C19orf47: variants seen among roughly 807,000 people sequenced by gnomAD.
C19orf47 encodes the protein chromosome 19 open reading frame 47, also known as uncharacterized protein C19orf47.
C19orf47 carries 18 observed loss-of-function variants against 32.3 expected under a neutral mutation model. The observed-to-expected ratio is 0.56, with a 90% confidence interval of 0.39 to 0.83. The LOEUF is 0.83. Among genes scored for constraint, C19orf47 ranks in the 40% least tolerant of loss-of-function variants. The pLI is 0.00. For synonymous variants in C19orf47, 202 were observed against 211.1 expected (o/e 0.96, Z 0.37); for missense variants, 484 against 531.6 (o/e 0.91, Z 0.88).
At chr19:40,339,992 A>C (rs1159088360) in intron 2 of C19orf47, among the ~76,000 whole-genome samples, 2 of 151,794 alleles carry the variant, frequency 1.3e-5, no homozygotes, top group East Asian at 3.9e-4. Context: ...AAAAAAAAAA[A>C]AAACAAAAAA....
At chr19:40,311,072 T>C in the C19orf47 span, among the ~76,000 whole-genome samples, 1 of 151,664 alleles carries the variant, frequency 6.6e-6, no homozygotes, top group Non-Finnish European at 1.5e-5. Context: ...CCCCCTTCTC[T>C]ACAAAAAAAC....
intron 1 of C19orf47, 87 bp downstream of exon 1, chr19:40,348,237 C>G (rs983563406): frequency 1.7e-5 from 16 of 921,764 alleles, no homozygotes; most frequent in African/African-American, 3.5e-5. Flanking sequence ...AGCCGTACAA[C>G]GGAGCCCGAA....
At chr19:40,324,131 G>A in intron 7 of C19orf47, 55 bp from the exon 8 acceptor site, 1 of 1,576,776 alleles carries the variant, frequency 6.3e-7, no homozygotes, top group Non-Finnish European at 8.7e-7. Flanking sequence ...GGCCTAGGCT[G>A]AGCTCTGTAC....
chr19:40,293,379 C>G, the C19orf47 span, among the ~76,000 whole-genome samples: 23 of 152,066 alleles, frequency 1.5e-4, no homozygotes, highest in Non-Finnish European at 2.9e-4. Flanking sequence ...CTCCTGACCT[C>G]AAGTGATCCG....
At chr19:40,302,780 G>A in the C19orf47 span, among the ~76,000 whole-genome samples, 1 of 152,168 alleles carries the variant, frequency 6.6e-6, no homozygotes. Flanking sequence ...GTCTGGCTAT[G>A]ACTCTCCAAA....
the C19orf47 span, among the ~76,000 whole-genome samples, chr19:40,307,478 A>G: frequency 8.6e-3 from 1,311 of 152,244 alleles, 20 homozygotes; most frequent in African/African-American, 0.029. Flanking sequence ...GGCTCACTGC[A>G]ACCTCTGCCT....
At chr19:40,337,007 G>A (rs2078078882) in intron 2 of C19orf47, among the ~76,000 whole-genome samples, 1 of 152,184 alleles carries the variant, frequency 6.6e-6, no homozygotes, top group African/African-American at 2.4e-5. Context: ...CCTATGGAGG[G>A]ACTTTGGGTA....
In C19orf47 at chr19:40,321,375, AGAG is replaced by A; in HGVS notation, c.*504_*506del. The A allele has an allele frequency of 1.0e-6, 1 of 989,126 alleles. No homozygotes were observed. Among genetic ancestry groups the A allele is most frequent in the Non-Finnish European group, 1.2e-6 (1 of 832,266 alleles). 61.3% of individuals were successfully genotyped at this position (989,126 alleles called of 1,614,324 possible). On this transcript the variant is annotated 3_prime_UTR_variant, in exon 9 of 9. Transcript: ENST00000683109. Reference sequence around the variant, plus strand: ...CCTTGCCACGGGGACAGAAAACAGAAGAGAAATGAACAAAGTGAAGACAGGGAG... The same window carrying A: ...CCTTGCCACGGGGACAGAAAACAGAAAAATGAACAAAGTGAAGACAGGGAG...
At chr19:40,347,745 G>A (rs183395138) in intron 1 of C19orf47, among the ~76,000 whole-genome samples, 7 of 152,238 alleles carry the variant, frequency 4.6e-5, no homozygotes, top group Admixed American at 3.9e-4. Context: ...TTCTCCCCCA[G>A]CTTCCCTGGA....
chr19:40,311,496 C>T, the C19orf47 span, among the ~76,000 whole-genome samples: 3 of 151,854 alleles, frequency 2.0e-5, no homozygotes, highest in African/African-American at 4.8e-5. Flanking sequence ...GAGTTGAGAT[C>T]GCACCACTGC....
chr19:40,307,425 G>T, the C19orf47 span, among the ~76,000 whole-genome samples: 3 of 151,802 alleles, frequency 2.0e-5, no homozygotes, highest in East Asian at 5.8e-4. Context: ...TGGAGACAGG[G>T]TCTCGTTCTG....
intron 5 of C19orf47, among the ~76,000 whole-genome samples, chr19:40,332,156 A>T (rs1383233649): frequency 6.7e-6 from 1 of 149,984 alleles, no homozygotes; most frequent in East Asian, 2.0e-4. Flanking sequence ...TCAAGAGTTC[A>T]AGACTAGCCT....
chr19:40,332,976 G>A (rs535008338), intron 5 of C19orf47, among the ~76,000 whole-genome samples: 7 of 152,166 alleles, frequency 4.6e-5, no homozygotes, highest in African/African-American at 1.7e-4. Flanking sequence ...ATAGCCCCCT[G>A]GACGGGAGCA....
Position 40,333,794 on chromosome 19 carries a change from C to A in C19orf47, c.301+57G>T, listed in dbSNP as rs1176833213. 2.9e-6 allele frequency: 4 copies of A among 1,386,242 alleles called. No homozygotes were observed. In the African/African-American group the frequency reaches 4.4e-5, roughly 15 times the overall value. 85.9% of individuals were successfully genotyped at this position (1,386,242 alleles called of 1,614,324 possible). A position where few individuals can be genotyped will look rare whatever the true frequency, so the allele number is the denominator to read the frequency against. On this transcript the variant is annotated intron_variant, in intron 5 of 8. Transcript: ENST00000683109. ...GGGGATGGGATGGCCAGACGTGTCC[C>A]CTTCACTGACAGGGTATAAAAATCA...
rs1263507010 is a variant in C19orf47, at chr19:40,325,361, C to T, written c.592+973G>A. Among the ~76,000 whole-genome samples, 7 of 152,096 alleles carry T rather than the reference C, an allele frequency of 4.6e-5. No individual in the cohort carries two copies. In the East Asian group the frequency reaches 1.2e-3, roughly 25 times the overall value. On this transcript the variant is annotated intron_variant, in intron 7 of 8. Transcript: ENST00000683109. Reference sequence around the variant, plus strand: ...AGAAAAACTAGGCTGAGTGTGGTGGCTCATACCTGTAATCCTAGCAATTTG... The same window carrying T: ...AGAAAAACTAGGCTGAGTGTGGTGGTTCATACCTGTAATCCTAGCAATTTG...
chr19:40,299,470 T>G, the C19orf47 span: 1 of 152,226 alleles, frequency 6.6e-6, no homozygotes, highest in Non-Finnish European at 1.5e-5. Flanking sequence ...TTTCTTTTCT[T>G]AATTTCAAAA....
chr19:40,303,923 C>T, the C19orf47 span, among the ~76,000 whole-genome samples: 1 of 151,866 alleles, frequency 6.6e-6, no homozygotes, highest in Non-Finnish European at 1.5e-5. Context: ...TGCTTTGATC[C>T]AGCATCTAGA....
At position 40,324,080 on chromosome 19, in the gene C19orf47, G is replaced by A; in HGVS notation, c.593-4C>T. On this transcript the variant is annotated splice_region_variant and splice_polypyrimidine_tract_variant and intron_variant, in intron 7 of 8. Coordinates refer to ENST00000683109, the MANE Select transcript of C19orf47 (RefSeq NM_001256441.2). ...AACACAGACGTCCTATGGAGACCTG[G>A]GAGGGAAGTGAAGCCATCAGGGAGA... 6.2e-7 allele frequency: 1 copy of A among 1,614,246 alleles called. No homozygotes were observed. Among genetic ancestry groups the A allele is most frequent in the Non-Finnish European group, 8.5e-7 (1 of 1,180,040 alleles).
chr19:40,293,944 AC>A, the C19orf47 span, among the ~76,000 whole-genome samples: 1 of 151,390 alleles, frequency 6.6e-6, no homozygotes, highest in African/African-American at 2.4e-5. Flanking sequence ...ACATGGTAAA[AC>A]CCCGTCTCTA....
Sources: gnomAD v4.1 joint callset for allele counts (sites outside exome capture counted in the v4.1 genomes callset) on GRCh38, gnomAD v4.1.1 for gene constraint, MANE v1.5 for transcripts, NCBI Gene and HGNC (gene_info 2026-07-23, HGNC 2026-07-21) for gene names.